The following CHORDC1 variants were observed in gnomAD, a reference collection of about 807,000 sequenced individuals.
CHORDC1 encodes the protein cysteine and histidine rich domain containing 1.
A neutral mutation model predicts 48.3 loss-of-function variants in CHORDC1; 25 were observed. That is an observed-to-expected ratio of 0.52 (90% confidence interval 0.38 to 0.72). CHORDC1 has a LOEUF of 0.72. CHORDC1 is among the 30% of genes least tolerant of loss of function. The pLI, the probability that CHORDC1 is intolerant of heterozygous loss-of-function variation, is 0.00. For missense variants in CHORDC1, 317 were observed against 388.7 expected (o/e 0.82, Z 1.55); for synonymous variants, 128 against 126.4 (o/e 1.01, Z -0.09).
intron 7 of CHORDC1, 71 bp downstream of exon 7, chr11:90,206,131 G>T: frequency 1.1e-6 from 1 of 946,748 alleles, no homozygotes; most frequent in Non-Finnish European, 1.7e-6. Flanking sequence ...GGCAAACAAT[G>T]TTTAAAGACA....
At chr11:90,219,930 A>G (rs1858122635) in intron 1 of CHORDC1, among the ~76,000 whole-genome samples, 2 of 152,212 alleles carry the variant, frequency 1.3e-5, no homozygotes, top group African/African-American at 2.4e-5. Flanking sequence ...TTTCAAGTCT[A>G]TTTAGCTTTC....
chr11:90,213,791 A>T (rs1474309489), intron 4 of CHORDC1: 2 of 477,346 alleles, frequency 4.2e-6, no homozygotes, highest in Non-Finnish European at 7.3e-6. Context: ...CCCTGTAATT[A>T]TGACAGTACA....
At chr11:90,209,786 C>T (rs1377132036) in intron 6 of CHORDC1, among the ~76,000 whole-genome samples, 1 of 152,194 alleles carries the variant, frequency 6.6e-6, no homozygotes, top group Non-Finnish European at 1.5e-5. Flanking sequence ...AGCATCCTAG[C>T]TGGTTTCTCT....
chr11:90,202,771 A>C lies in CHORDC1; in HGVS notation c.852+42T>G, dbSNP rs764675353. 28 of 1,545,598 alleles carry C rather than the reference A, an allele frequency of 1.8e-5. No individual in the cohort carries two copies. The South Asian group carries it at 3.2e-4, about 18-fold the overall frequency. On this transcript the variant is annotated intron_variant, in intron 10 of 10. Coordinates refer to ENST00000320585, the MANE Select transcript of CHORDC1 (RefSeq NM_012124.3). ...TTGTCTTTTATTCTACAAATGATCT[A>C]AGTTATCAGAAAAAAAATTCTTATA...
rs527476727 is a variant in CHORDC1, at chr11:90,211,260, G to C, written c.388C>G (p.Leu130Val). 8.7e-6 allele frequency: 14 copies of C among 1,608,680 alleles called. No individual in the cohort carries two copies. The East Asian group carries it at 2.7e-4, about 31-fold the overall frequency. ...CCTGATGACAGTTTAAGTTTATCAA[G>C]TGCTTGTTTTAGGGAGGCAGATATT... ...LKISASLKQA[L>V]DKLKLSSGNE... Residue 130 changes from leucine (L) to valine (V), a missense_variant, in exon 5 of 11, where the codon CTT becomes GTT. By Grantham distance (32) the Leu-to-Val change is conservative. Transcript: ENST00000320585.
chr11:90,217,994 A>G, intron 2 of CHORDC1, 141 bp downstream of exon 2: 1 of 522,856 alleles, frequency 1.9e-6, no homozygotes, highest in Non-Finnish European at 3.3e-6. Context: ...TTAGTGGAGT[A>G]TACGCTTAAA....
chr11:90,208,645 T>A (rs537711956), intron 6 of CHORDC1: 1 of 152,138 alleles, frequency 6.6e-6, no homozygotes, highest in East Asian at 1.9e-4. Flanking sequence ...ATTTTTACAT[T>A]AAACTCAGAA....
In CHORDC1 at chr11:90,206,182, A is replaced by G. The variant is rs1565167596; in HGVS notation, c.563+20T>C. 7.4e-6 allele frequency: 10 copies of G among 1,343,620 alleles called. No homozygotes were observed. The highest frequency in any genetic ancestry group is 1.2e-5 in the South Asian group (1 of 84,714). 83.2% of individuals were successfully genotyped at this position (1,343,620 alleles called of 1,614,324 possible). A position where few individuals can be genotyped will look rare whatever the true frequency, so the allele number is the denominator to read the frequency against. On this transcript the variant is annotated intron_variant, in intron 7 of 10. Coordinates refer to ENST00000320585, the MANE Select transcript of CHORDC1 (RefSeq NM_012124.3). ...CTAAATTCTACCATAAACTATTTTA[A>G]TAAGTCATGCATAAGTTACCCCTCA... is the stretch of plus-strand genomic sequence containing the variant.
intron 4 of CHORDC1, chr11:90,213,817 A>G (rs1194776714): frequency 5.9e-6 from 3 of 510,626 alleles, no homozygotes; most frequent in Non-Finnish European, 6.9e-6. Context: ...CAAATCTGTT[A>G]TGTAGTTATA....
rs990132976 is a variant in CHORDC1, at chr11:90,223,031, T to C, written c.-77A>G. On this transcript the variant is annotated 5_prime_UTR_variant, in exon 1 of 11. Transcript: ENST00000320585. ...GATGCGTTTGCCACTCCCGTGTCGC[T>C]AGCACCGGTCTGACGACTGAGGCGG... is the stretch of plus-strand genomic sequence containing the variant. 2.3e-6 allele frequency: 3 copies of C among 1,294,350 alleles called. No homozygotes were observed. The highest frequency in any genetic ancestry group is 3.3e-6 in the Non-Finnish European group (3 of 897,054). The allele number at this position is 1,294,350 out of a possible 1,614,324, so 80.2% of individuals were successfully genotyped here. A position where few individuals can be genotyped will look rare whatever the true frequency, so the allele number is the denominator to read the frequency against.
intron 1 of CHORDC1, chr11:90,222,448 T>C: frequency 2.8e-6 from 1 of 362,304 alleles, no homozygotes; most frequent in Non-Finnish European, 5.4e-6. Flanking sequence ...AACCCGCTGC[T>C]CATCCCGGCC....
intron 1 of CHORDC1, among the ~76,000 whole-genome samples, chr11:90,221,533 A>G (rs539230821): frequency 1.1e-4 from 17 of 152,326 alleles, no homozygotes; most frequent in East Asian, 5.8e-4. Context: ...TTATTGTCTC[A>G]TAAGCAAAGC....
At chr11:90,222,723 AG>A (rs1858205853) in intron 1 of CHORDC1, 167 bp downstream of exon 1, 1 of 724,022 alleles carries the variant, frequency 1.4e-6, no homozygotes, top group East Asian at 2.7e-5. Flanking sequence ...GGCGCAACAG[AG>A]GGGCGGCCGG....
In CHORDC1 at chr11:90,203,330, C is replaced by T. The variant is rs754988670; in HGVS notation, c.767G>A (p.Arg256Gln). The T allele has an allele frequency of 3.8e-6, 6 of 1,595,360 alleles. No individual in the cohort carries two copies. Among genetic ancestry groups the T allele is most frequent in the Middle Eastern group, 3.4e-4 (2 of 5,884 alleles). ...YAKNSLPELSRVEANSTLLNV... is the reference protein window; with the variant it reads ...YAKNSLPELSQVEANSTLLNV... ...TACCAATGTGCTATTTGCTTCTACT[C>T]GGCTAAGTTCTGGAAGTGAGTTTTT... Residue 256 changes from arginine to glutamine, a missense_variant, in exon 9 of 11, where the codon CGA becomes CAA. Coordinates refer to ENST00000320585, the MANE Select transcript of CHORDC1 (RefSeq NM_012124.3).
At chr11:90,210,646 G>C (rs1857834834) in intron 5 of CHORDC1, 52 bp from the exon 6 acceptor site, 6 of 1,164,558 alleles carry the variant, frequency 5.2e-6, no homozygotes, top group Non-Finnish European at 6.3e-6. Context: ...GAACTTCGCT[G>C]TGGCATCATT....
rs943246384 is a variant in CHORDC1 at position 90,201,995 on chromosome 11, C to G, written c.*410G>C. On this transcript the variant is annotated 3_prime_UTR_variant, in exon 11 of 11. Transcript: ENST00000320585. ...AATATTTTCAAGTACTGTAAGAACACAAATCCATGAAAAAACTGATTAAAA... is the reference window on the plus strand; with the variant it reads ...AATATTTTCAAGTACTGTAAGAACAGAAATCCATGAAAAAACTGATTAAAA... 2.6e-5 allele frequency: 4 copies of G among 154,156 alleles called. No individual in the cohort carries two copies. The highest frequency in any genetic ancestry group is 9.6e-5 in the African/African-American group (4 of 41,470). 9.5% of individuals were successfully genotyped at this position (154,156 alleles called of 1,614,324 possible). A position where few individuals can be genotyped will look rare whatever the true frequency, so the allele number is the denominator to read the frequency against.
At chr11:90,222,490 A>T in intron 1 of CHORDC1, 1 of 387,376 alleles carries the variant, frequency 2.6e-6, no homozygotes. Flanking sequence ...AATCACAGCC[A>T]TCACTACTTC....
intron 6 of CHORDC1, chr11:90,207,478 A>T (rs1258842949): frequency 6.6e-6 from 1 of 152,192 alleles, no homozygotes; most frequent in African/African-American, 2.4e-5. Flanking sequence ...AAAATGATGG[A>T]CAAATTGGAT....
At chr11:90,205,793 A>G in intron 7 of CHORDC1, 1 of 504,426 alleles carries the variant, frequency 2.0e-6, no homozygotes, top group Non-Finnish European at 3.5e-6. Context: ...AGAGCATAAT[A>G]CAGAAGAGAG....
Sources: gnomAD v4.1 joint callset for allele counts (sites outside exome capture counted in the v4.1 genomes callset) on GRCh38, gnomAD v4.1.1 for gene constraint, MANE v1.5 for transcripts, NCBI Gene and HGNC (gene_info 2026-07-23, HGNC 2026-07-21) for gene names.